KDM4C: variants seen among roughly 807,000 people sequenced by gnomAD.
KDM4C encodes lysine-specific demethylase 4C.
In KDM4C, 81 loss-of-function variants were observed where a neutral mutation model predicts 129.3. The observed-to-expected ratio is 0.63, with a 90% confidence interval of 0.52 to 0.75. The LOEUF is 0.75. Ranked by LOEUF, KDM4C falls within the 30% of genes least tolerant of loss-of-function variation. The pLI, the probability that KDM4C is intolerant of heterozygous loss-of-function variation, is 0.00. For missense variants in KDM4C, 1,457 were observed against 1,304.0 expected, an observed-to-expected ratio of 1.12 and a Z score of -1.81; for synonymous variants, 573 against 456.1, an observed-to-expected ratio of 1.26 and a Z score of -3.26.
intron 2 of KDM4C, among the ~76,000 whole-genome samples, chr9:6,799,532 C>G (rs534863411): frequency 6.6e-6 from 1 of 150,676 alleles, no homozygotes; most frequent in African/African-American, 2.5e-5. Flanking sequence ...CCAACTTCGG[C>G]TTGGCATGAG....
intron 19 of KDM4C, among the ~76,000 whole-genome samples, chr9:7,162,382 G>T (rs1354485454): frequency 5.3e-5 from 8 of 152,208 alleles, no homozygotes; most frequent in African/African-American, 1.9e-4. Flanking sequence ...GCAGTAAGTG[G>T]TTAGTTGAGG....
chr9:7,011,222 A>T (rs1822629492), intron 12 of KDM4C, among the ~76,000 whole-genome samples: 2 of 152,212 alleles, frequency 1.3e-5, no homozygotes, highest in Non-Finnish European at 2.9e-5. Context: ...TGAACCCAGA[A>T]TTTAATTCAA....
intron 8 of KDM4C, among the ~76,000 whole-genome samples, chr9:6,907,927 T>A (rs763814046): frequency 4.6e-5 from 7 of 152,218 alleles, no homozygotes; most frequent in Non-Finnish European, 1.0e-4. Context: ...ATATTAAATT[T>A]TCTACTCAAA....
intron 8 of KDM4C, among the ~76,000 whole-genome samples, chr9:6,900,076 C>A (rs533675538): frequency 1.3e-5 from 2 of 152,286 alleles, no homozygotes; most frequent in South Asian, 4.1e-4. Context: ...TATGTCAGAT[C>A]GAGCTCTGGG....
chr9:7,038,717 G>T (rs1442551371), intron 15 of KDM4C, among the ~76,000 whole-genome samples: 2 of 151,952 alleles, frequency 1.3e-5, no homozygotes, highest in East Asian at 3.9e-4. Flanking sequence ...TTATTTCTGT[G>T]CATTTAAATT....
chr9:6,945,313 C>A (rs1288914600), intron 8 of KDM4C, among the ~76,000 whole-genome samples: 3 of 152,096 alleles, frequency 2.0e-5, no homozygotes, highest in Non-Finnish European at 4.4e-5. Flanking sequence ...TCCTTTGAAA[C>A]AATTAACTAA....
intron 12 of KDM4C, among the ~76,000 whole-genome samples, chr9:6,995,457 A>G (rs1488802325): frequency 6.6e-6 from 1 of 152,224 alleles, no homozygotes; most frequent in Non-Finnish European, 1.5e-5. Context: ...GGAATTGTTC[A>G]AGGGAAGCAT....
At chr9:6,910,822 C>T (rs867709380) in intron 8 of KDM4C, among the ~76,000 whole-genome samples, 106 of 152,234 alleles carry the variant, frequency 7.0e-4, no homozygotes, top group African/African-American at 2.3e-3. Context: ...AAATGTTGAA[C>T]GCTGCGGGAT....
chr9:7,146,519 G>C (rs1161856459), intron 19 of KDM4C, among the ~76,000 whole-genome samples: 1 of 152,112 alleles, frequency 6.6e-6, no homozygotes, highest in African/African-American at 2.4e-5. Context: ...CCAATAATCT[G>C]TCAAATGCTT....
At chr9:7,076,994 C>T (rs1833999257) in intron 17 of KDM4C, 1 of 985,540 alleles carries the variant, frequency 1.0e-6, no homozygotes, top group South Asian at 4.7e-5. Context: ...AGAATCCACT[C>T]TATGTCTGTC....
intron 1 of KDM4C, among the ~76,000 whole-genome samples, chr9:6,783,087 C>T (rs1258024868): frequency 1.3e-5 from 2 of 152,186 alleles, no homozygotes; most frequent in African/African-American, 4.8e-5. Context: ...GATGCTTTCA[C>T]TTTTCACTTC....
intron 17 of KDM4C, among the ~76,000 whole-genome samples, chr9:7,061,606 T>C (rs987028929): frequency 6.6e-6 from 1 of 152,130 alleles, no homozygotes; most frequent in Non-Finnish European, 1.5e-5. Flanking sequence ...GACTGAAGGG[T>C]AAAAGCCTGG....
chr9:6,913,846 A>T (rs191517436), intron 8 of KDM4C, among the ~76,000 whole-genome samples: 1 of 152,348 alleles, frequency 6.6e-6, no homozygotes, highest in Non-Finnish European at 1.5e-5. Flanking sequence ...AGTTTCTGAT[A>T]GTTTATGCGG....
chr9:6,739,339 C>G (rs1397974093), intron 1 of KDM4C, among the ~76,000 whole-genome samples: 1 of 152,094 alleles, frequency 6.6e-6, no homozygotes, highest in Non-Finnish European at 1.5e-5. Context: ...TCCCAAAGTG[C>G]TGGGATCACA....
intron 12 of KDM4C, among the ~76,000 whole-genome samples, chr9:6,995,973 G>A (rs928671125): frequency 1.3e-5 from 2 of 152,098 alleles, no homozygotes; most frequent in Admixed American, 1.3e-4. Context: ...CGGCCCTGCA[G>A]GTTTTAAGTT....
At chr9:6,869,680 C>T (rs879408494) in intron 5 of KDM4C, among the ~76,000 whole-genome samples, 12 of 152,172 alleles carry the variant, frequency 7.9e-5, no homozygotes, top group Middle Eastern at 3.2e-3. Context: ...CAAGCCTGGA[C>T]CATCCCTTGC....
chr9:6,951,143 A>G (rs1017004637), intron 8 of KDM4C, among the ~76,000 whole-genome samples: 3 of 152,208 alleles, frequency 2.0e-5, no homozygotes, highest in African/African-American at 7.2e-5. Flanking sequence ...TCACATACCC[A>G]TCATCTCAAA....
rs182130656 is a variant in KDM4C, at chr9:7,056,090, T to G, written c.2424+6890T>G. 2.0e-5 allele frequency among the ~76,000 whole-genome samples: 3 copies of G among 152,266 alleles called. No individual in the cohort carries two copies. In the East Asian group the frequency reaches 5.8e-4, roughly 29 times the overall value. The stretch of plus-strand genomic sequence containing the variant: ...AGAAGTTCTAAGAAAATAATAAACA[T>G]TGACAATGATGAGAAAACTTATTGC... On this transcript the variant is annotated intron_variant, in intron 17 of 21. Coordinates refer to ENST00000381309, the MANE Select transcript of KDM4C (RefSeq NM_015061.6).
intron 8 of KDM4C, among the ~76,000 whole-genome samples, chr9:6,963,840 C>G (rs1177043038): frequency 6.6e-6 from 1 of 152,220 alleles, no homozygotes; most frequent in Non-Finnish European, 1.5e-5. Flanking sequence ...GCCACCCTGA[C>G]AGTTCCCTCT....
Sources: allele counts gnomAD v4.1 joint callset (sites outside exome capture counted in the v4.1 genomes callset), GRCh38; gene constraint gnomAD v4.1.1; transcripts MANE v1.5; gene names NCBI Gene and HGNC (gene_info 2026-07-23, HGNC 2026-07-21).